HIVEP3: variants seen among roughly 807,000 people sequenced by gnomAD.
HIVEP3 encodes HIVEP zinc finger 3.
HIVEP3 carries 49 observed loss-of-function variants against 152.8 expected under a neutral mutation model. That is an observed-to-expected ratio of 0.32 (90% CI 0.26 to 0.41). The LOEUF is 0.41. Among genes scored for constraint, HIVEP3 ranks in the 10% least tolerant of loss-of-function variants. The pLI is 1.00. For synonymous variants in HIVEP3, 1,269 were observed against 1,289.0 expected, an observed-to-expected ratio of 0.98 and a Z score of 0.33; for missense variants, 2,790 against 3,103.3, an observed-to-expected ratio of 0.90 and a Z score of 2.40.
chr1:41,915,634 A>G (rs1484352159), intron 1 of HIVEP3, among the ~76,000 whole-genome samples: 1 of 152,244 alleles, frequency 6.6e-6, no homozygotes, highest in Non-Finnish European at 1.5e-5. Context: ...TCCCAACTGG[A>G]TAAGTGAAAT....
chr1:41,872,634 TA>T (rs1557470839), intron 1 of HIVEP3, among the ~76,000 whole-genome samples: 1 of 152,260 alleles, frequency 6.6e-6, no homozygotes, highest in Non-Finnish European at 1.5e-5. Context: ...GGATTTCATG[TA>T]AATGGAATTG....
chr1:41,793,382 C>T (rs1373330950), intron 1 of HIVEP3, among the ~76,000 whole-genome samples: 1 of 152,178 alleles, frequency 6.6e-6, no homozygotes. Flanking sequence ...ACTCTTCTGC[C>T]TGCTTCTTGG....
intron 5 of HIVEP3, among the ~76,000 whole-genome samples, chr1:41,544,844 TAC>T (rs1643661454): frequency 1.7e-4 from 2 of 11,846 alleles, no homozygotes; most frequent in African/African-American, 6.7e-4. Context: ...CCACCACCAC[TAC>T]CACCACCACC....
chr1:41,630,558 C>T (rs1037601079), intron 2 of HIVEP3, among the ~76,000 whole-genome samples: 4 of 152,206 alleles, frequency 2.6e-5, no homozygotes, highest in African/African-American at 7.2e-5. Flanking sequence ...AAAGGATTGG[C>T]CCGCAGCTTC....
At chr1:42,032,347 T>C (rs1467315348) in intron 1 of HIVEP3, among the ~76,000 whole-genome samples, 1 of 152,168 alleles carries the variant, frequency 6.6e-6, no homozygotes, top group Admixed American at 6.5e-5. Context: ...GAAGGAAGAA[T>C]ACCCGATTCC....
intron 5 of HIVEP3, among the ~76,000 whole-genome samples, chr1:41,552,748 G>A (rs939790539): frequency 5.9e-5 from 9 of 152,028 alleles, no homozygotes; most frequent in Non-Finnish European, 1.2e-4. Context: ...TGGGATGGCT[G>A]GGTCAAATGG....
intron 6 of HIVEP3, among the ~76,000 whole-genome samples, chr1:41,522,043 C>T (rs1349544871): frequency 6.6e-6 from 1 of 152,236 alleles, no homozygotes; most frequent in African/African-American, 2.4e-5. Context: ...GAGACACACA[C>T]GGCAGACAGA....
At chr1:41,767,786 C>T (rs1275940589) in intron 1 of HIVEP3, among the ~76,000 whole-genome samples, 1 of 152,210 alleles carries the variant, frequency 6.6e-6, no homozygotes, top group Admixed American at 6.5e-5. Context: ...ATTCTCTGAG[C>T]TGGCAGGGCT....
intron 1 of HIVEP3, among the ~76,000 whole-genome samples, chr1:41,764,562 G>A (rs1647892583): frequency 6.6e-6 from 1 of 152,214 alleles, no homozygotes; most frequent in Non-Finnish European, 1.5e-5. Context: ...GACAATTAAA[G>A]GATAAGAGTC....
At chr1:41,906,756 G>C (rs1490465769) in intron 1 of HIVEP3, among the ~76,000 whole-genome samples, 1 of 151,912 alleles carries the variant, frequency 6.6e-6, no homozygotes, top group Non-Finnish European at 1.5e-5. Flanking sequence ...ACTGTGCTAT[G>C]CTCTGAAGCT....
At position 41,583,386 on chromosome 1, in the gene HIVEP3, A is replaced by T. The variant is rs773985827; in HGVS notation, c.1412T>A (p.Ile471Asn). 2.6e-5 allele frequency: 42 copies of T among 1,613,478 alleles called. No individual in the cohort carries two copies. Among genetic ancestry groups the T allele is most frequent in the Non-Finnish European group, 3.4e-5 (40 of 1,179,818 alleles). ...VIEHITKLIT[I>N]NEAVVDTSEI... is the part of the protein sequence containing the mutation. The stretch of plus-strand genomic sequence containing the variant: ...GCTGGTGTCCACCACGGCCTCGTTG[A>T]TGGTGATGAGCTTCGTGATGTGCTC... The change falls in exon 4 of 9, where the codon ATC becomes AAC. Residue 471 changes from isoleucine to asparagine, a missense_variant. Ile to Asn is a moderately radical substitution (Grantham distance 149, BLOSUM62 -3). Transcript: ENST00000372583. This position sits in a 1 kb window ranked among gnomAD's most constrained non-coding sequence, Gnocchi z 6.9.
rs563874947 is a variant in HIVEP3 at position 41,520,617 on chromosome 1, C to T, written c.5384-2129G>A. Among the ~76,000 whole-genome samples, 18 of 152,334 alleles carry T rather than the reference C, an allele frequency of 1.2e-4. No individual in the cohort carries two copies. The East Asian group carries it at 3.1e-3, about 26-fold the overall frequency. ...ACCCTGACTACCCCAGGCCACAGGGCACTGTGGACACTGCTCATTCTGGCT... is the reference window on the plus strand; with the variant it reads ...ACCCTGACTACCCCAGGCCACAGGGTACTGTGGACACTGCTCATTCTGGCT... On this transcript the variant is annotated intron_variant, in intron 6 of 8. Coordinates refer to ENST00000372583, the MANE Select transcript of HIVEP3 (RefSeq NM_024503.5).
chr1:41,857,575 G>T lies in HIVEP3; in HGVS notation c.-801+60838C>A, dbSNP rs541834245. On this transcript the variant is annotated intron_variant, in intron 1 of 8. Coordinates refer to ENST00000372583, the MANE Select transcript of HIVEP3 (RefSeq NM_024503.5). ...TTAGGCCCTTTCTAAATAACATGGG[G>T]TTTTCTCCTTAAACAGAGGAACTAG... Among the ~76,000 whole-genome samples, 11 of 152,196 alleles carry T rather than the reference G, an allele frequency of 7.2e-5. No homozygotes were observed. In the South Asian group the frequency reaches 2.1e-3, roughly 29 times the overall value.
chr1:41,523,043 T>C (rs1558024192), intron 6 of HIVEP3, among the ~76,000 whole-genome samples: 1 of 152,240 alleles, frequency 6.6e-6, no homozygotes, highest in African/African-American at 2.4e-5. Context: ...TTAACAGTTA[T>C]TCTGTTTTCT....
chr1:41,729,842 C>T (rs1646812364), intron 1 of HIVEP3, among the ~76,000 whole-genome samples: 1 of 152,200 alleles, frequency 6.6e-6, no homozygotes, highest in Non-Finnish European at 1.5e-5. Context: ...GAGGTGCGTT[C>T]TTGCTCTCGA....
chr1:41,630,237 G>A (rs1645174803), intron 2 of HIVEP3, among the ~76,000 whole-genome samples: 1 of 152,152 alleles, frequency 6.6e-6, no homozygotes, highest in Non-Finnish European at 1.5e-5. Flanking sequence ...GGTACACATG[G>A]ACATAAAGAT....
rs1356892118 is a variant in HIVEP3, at chr1:41,662,444, T to G, written c.-720-33497A>C. 2 of 151,038 alleles carry G rather than the reference T, an allele frequency of 1.3e-5. No homozygotes were observed. Among genetic ancestry groups the G allele is most frequent in the African/African-American group, 4.9e-5 (2 of 41,178 alleles). 9.4% of individuals were successfully genotyped at this position (151,038 alleles called of 1,614,324 possible). A position where few individuals can be genotyped will look rare whatever the true frequency, so the allele number is the denominator to read the frequency against. ...GCAGGGGCCGGACCACCCACTTCTT[T>G]CCATTCACTCCCCAGAGTTTCCTGT... is the stretch of plus-strand genomic sequence containing the variant. On this transcript the variant is annotated intron_variant, in intron 2 of 8. Transcript: ENST00000372583. This position sits in a 1 kb window ranked among gnomAD's most constrained non-coding sequence, Gnocchi z 7.2.
chr1:41,530,199 T>C (rs998813348), intron 5 of HIVEP3, among the ~76,000 whole-genome samples: 1 of 152,228 alleles, frequency 6.6e-6, no homozygotes, highest in Admixed American at 6.5e-5. Context: ...CAGCCAGTTT[T>C]GGCCGTGTCC....
chr1:41,870,124 G>T (rs1364752737), intron 1 of HIVEP3, among the ~76,000 whole-genome samples: 2 of 152,142 alleles, frequency 1.3e-5, no homozygotes, highest in African/African-American at 4.8e-5. Flanking sequence ...CAAACATAGT[G>T]CCCCTATGAC....
Sources: allele counts gnomAD v4.1 joint callset (sites outside exome capture counted in the v4.1 genomes callset), GRCh38; gene constraint gnomAD v4.1.1; non-coding constraint Gnocchi (gnomAD v3.1); transcripts MANE v1.5; gene names NCBI Gene and HGNC (gene_info 2026-07-23, HGNC 2026-07-21).